CNTNAP2: variants seen among roughly 807,000 people sequenced by gnomAD.
CNTNAP2 encodes the protein contactin-associated protein-like 2.
A neutral mutation model predicts 155.2 loss-of-function variants in CNTNAP2; 98 were observed. The observed-to-expected ratio is 0.63, with a 90% CI of 0.54 to 0.75. CNTNAP2 has a LOEUF of 0.75. Ranked by LOEUF, CNTNAP2 falls within the 30% of genes least tolerant of loss-of-function variation. The pLI, the probability that CNTNAP2 is intolerant of heterozygous loss-of-function variation, is 0.00. For synonymous variants in CNTNAP2, 651 were observed against 631.2 expected, an observed-to-expected ratio of 1.03 and a Z score of -0.47; for missense variants, 1,727 against 1,688.1, an observed-to-expected ratio of 1.02 and a Z score of -0.40.
At chr7:147,612,504 G>A (rs928511168) in intron 12 of CNTNAP2, among the ~76,000 whole-genome samples, 13 of 150,526 alleles carry the variant, frequency 8.6e-5, no homozygotes, top group Admixed American at 5.3e-4. Flanking sequence ...AGGTCCAAGC[G>A]ATTCTCCTGC....
At position 148,324,794 on chromosome 7, in the gene CNTNAP2, C is replaced by CAAAAA. The variant is rs72157861; in HGVS notation, c.3475+57677_3475+57681dup. On this transcript the variant is annotated intron_variant, in intron 21 of 23. Coordinates refer to ENST00000361727, the MANE Select transcript of CNTNAP2 (RefSeq NM_014141.6). Reference sequence around the variant, plus strand: ...TGGGTGACAGAGTAAGACTCCATCTCAAAAAAAAAAAAAGAGTAGGGATTT... The same window carrying CAAAAA: ...TGGGTGACAGAGTAAGACTCCATCTCAAAAAAAAAAAAAAAAAAGAGTAGGGATTT... 5.7e-5 allele frequency among the ~76,000 whole-genome samples: 6 copies of CAAAAA among 105,820 alleles called. 2 individuals are homozygous for CAAAAA. Among genetic ancestry groups the CAAAAA allele is most frequent in the Admixed American group, 4.4e-4 (4 of 9,126 alleles). 69.4% of individuals were successfully genotyped at this position (105,820 alleles called of 152,430 possible).
chr7:148,244,329 T>C lies in CNTNAP2; in HGVS notation c.3381+14550T>C, dbSNP rs149489828. Among the ~76,000 whole-genome samples, 261 of 152,308 alleles carry C rather than the reference T, an allele frequency of 1.7e-3. 1 individual carries two copies. The highest frequency in any genetic ancestry group is 6.0e-3 in the African/African-American group (251 of 41,558). On this transcript the variant is annotated intron_variant, in intron 20 of 23. Transcript: ENST00000361727. ...CAAGTTCTCTCTTTAGGTCACAAAT[T>C]AACTCTGGCCATATTTATAAAAACA...
chr7:146,229,184 C>G (rs188369597), intron 1 of CNTNAP2, among the ~76,000 whole-genome samples: 1 of 152,246 alleles, frequency 6.6e-6, no homozygotes, highest in Admixed American at 6.5e-5. Flanking sequence ...CATCGGGTCA[C>G]TTTTTCCCCT....
chr7:146,712,169 CA>C lies in CNTNAP2; in HGVS notation c.98-62099del, dbSNP rs1164727353. Among the ~76,000 whole-genome samples the C allele has an allele frequency of 1.1e-3, 121 of 115,018 alleles. 4 individuals are homozygous for C. The highest frequency in any genetic ancestry group is 3.2e-3 in the African/African-American group (89 of 28,152). The allele number at this position is 115,018 out of a possible 152,430, so 75.5% of individuals were successfully genotyped here. On this transcript the variant is annotated intron_variant, in intron 1 of 23. Coordinates refer to ENST00000361727, the MANE Select transcript of CNTNAP2 (RefSeq NM_014141.6). ...ATATAGTATACATATCTTATGTATACAAATATGTATACATATCTTATGTATA... is the reference window on the plus strand; with the variant it reads ...ATATAGTATACATATCTTATGTATACAATATGTATACATATCTTATGTATA...
intron 11 of CNTNAP2, among the ~76,000 whole-genome samples, chr7:147,493,003 A>T (rs569780016): frequency 5.3e-5 from 8 of 152,092 alleles, no homozygotes; most frequent in African/African-American, 1.9e-4. Flanking sequence ...AAGTATAATA[A>T]AAAAAAGTGC....
At chr7:146,157,962 A>G (rs1798154533) in intron 1 of CNTNAP2, among the ~76,000 whole-genome samples, 1 of 152,220 alleles carries the variant, frequency 6.6e-6, no homozygotes, top group African/African-American at 2.4e-5. Flanking sequence ...ACCCCCGAGT[A>G]GCCTAACTAG....
chr7:148,102,867 T>A (rs1377897905), intron 15 of CNTNAP2, among the ~76,000 whole-genome samples: 1 of 152,164 alleles, frequency 6.6e-6, no homozygotes, highest in Non-Finnish European at 1.5e-5. Context: ...AAGTTAAGGT[T>A]GCGGGCCCAT....
chr7:147,210,878 A>T (rs535383531), intron 8 of CNTNAP2, among the ~76,000 whole-genome samples: 6 of 151,964 alleles, frequency 3.9e-5, no homozygotes, highest in Admixed American at 2.0e-4. Flanking sequence ...GTAATCATGT[A>T]GTTTTGAGGG....
At chr7:147,486,196 AAAAT>A (rs1486846037) in intron 11 of CNTNAP2, among the ~76,000 whole-genome samples, 155 bp downstream of exon 11, 2 of 149,418 alleles carry the variant, frequency 1.3e-5, no homozygotes, top group African/African-American at 2.5e-5. Flanking sequence ...CAAAAAAAAA[AAAAT>A]AAAATACACT....
At chr7:146,198,280 C>T (rs1798806057) in intron 1 of CNTNAP2, among the ~76,000 whole-genome samples, 1 of 152,122 alleles carries the variant, frequency 6.6e-6, no homozygotes, top group African/African-American at 2.4e-5. Context: ...ATTCTCTGAG[C>T]ACTTTTCCCT....
At chr7:147,279,021 G>T (rs1804969101) in intron 8 of CNTNAP2, among the ~76,000 whole-genome samples, 1 of 151,262 alleles carries the variant, frequency 6.6e-6, no homozygotes, top group Non-Finnish European at 1.5e-5. Context: ...ATACATACTT[G>T]AAATCATTAT....
At chr7:147,819,796 A>T (rs117513684) in intron 13 of CNTNAP2, among the ~76,000 whole-genome samples, 372 of 152,250 alleles carry the variant, frequency 2.4e-3, no homozygotes, top group Non-Finnish European at 4.1e-3. Flanking sequence ...GTAATACAGA[A>T]TATACTCTTC....
chr7:147,881,621 T>C (rs551974607), intron 13 of CNTNAP2, among the ~76,000 whole-genome samples: 5 of 152,232 alleles, frequency 3.3e-5, no homozygotes, highest in Non-Finnish European at 7.4e-5. Flanking sequence ...AATGCACCTC[T>C]CTTTGCTAGA....
At chr7:147,880,243 G>A (rs954328837) in intron 13 of CNTNAP2, among the ~76,000 whole-genome samples, 5 of 152,142 alleles carry the variant, frequency 3.3e-5, no homozygotes, top group Admixed American at 6.6e-5. Flanking sequence ...GGTGGTCATG[G>A]ACAAAAGAAA....
intron 10 of CNTNAP2, among the ~76,000 whole-genome samples, chr7:147,476,347 C>T (rs565265768): frequency 1.2e-3 from 181 of 151,942 alleles, no homozygotes; most frequent in African/African-American, 4.1e-3. Flanking sequence ...CCTCATGATC[C>T]GCCCACCTCA....
chr7:147,242,303 T>C (rs1223054204), intron 8 of CNTNAP2, among the ~76,000 whole-genome samples: 1 of 152,244 alleles, frequency 6.6e-6, no homozygotes, highest in Non-Finnish European at 1.5e-5. Flanking sequence ...GTCTTTGTTC[T>C]ACTGAAAAAC....
intron 14 of CNTNAP2, among the ~76,000 whole-genome samples, chr7:147,943,961 T>C (rs1304138667): frequency 6.6e-6 from 1 of 151,970 alleles, no homozygotes; most frequent in Admixed American, 6.6e-5. Context: ...CTAGCTAGCA[T>C]CTCCATCGTT....
At chr7:146,889,040 G>A (rs1175875855) in intron 3 of CNTNAP2, among the ~76,000 whole-genome samples, 1 of 151,914 alleles carries the variant, frequency 6.6e-6, no homozygotes, top group Non-Finnish European at 1.5e-5. Flanking sequence ...AATAGAGTGG[G>A]AGGAAACATT....
At chr7:146,291,839 G>C (rs967824884) in intron 1 of CNTNAP2, among the ~76,000 whole-genome samples, 2 of 152,002 alleles carry the variant, frequency 1.3e-5, no homozygotes, top group African/African-American at 2.4e-5. Context: ...TTTTGGATTT[G>C]ACCCCAAAAG....
Sources: gnomAD v4.1 joint callset for allele counts (sites outside exome capture counted in the v4.1 genomes callset) on GRCh38, gnomAD v4.1.1 for gene constraint, MANE v1.5 for transcripts, NCBI Gene and HGNC (gene_info 2026-07-23, HGNC 2026-07-21) for gene names.